The following ASTN2 variants were observed in gnomAD, a reference collection of about 807,000 sequenced individuals.
The protein encoded by ASTN2 is astrotactin-2.
In ASTN2, 54 loss-of-function variants were observed where a neutral mutation model predicts 139.8. The ratio of observed to expected loss-of-function variants is 0.39; its 90% CI spans 0.31 to 0.48. The LOEUF (loss-of-function observed/expected upper bound fraction) is 0.48, where lower values mean the gene tolerates loss of function less well. ASTN2 is among the 20% of genes least tolerant of loss of function. The pLI is 0.95. For synonymous variants in ASTN2, 756 were observed against 719.5 expected, an observed-to-expected ratio of 1.05 and a Z score of -0.81; for missense variants, 1,565 against 1,725.1, an observed-to-expected ratio of 0.91 and a Z score of 1.64.
intron 11 of ASTN2, among the ~76,000 whole-genome samples, chr9:116,839,498 GAGAC>G (rs1357750540): frequency 9.3e-5 from 14 of 150,460 alleles, no homozygotes; most frequent in African/African-American, 1.5e-4. Context: ...TACTCCTTTT[GAGAC>G]AGAGTCTCGC....
At position 116,729,208 on chromosome 9, in the gene ASTN2, C is replaced by T. The variant is rs904877539; in HGVS notation, c.2522-112G>A. The T allele has an allele frequency of 6.4e-6, 5 of 779,962 alleles. No homozygotes were observed. The African/African-American group carries it at 8.6e-5, about 13-fold the overall frequency. 48.3% of individuals were successfully genotyped at this position (779,962 alleles called of 1,614,324 possible). A position where few individuals can be genotyped will look rare whatever the true frequency, so the allele number is the denominator to read the frequency against. ...AAACAGACACCTCTTTGAAGTACAA[C>T]TTTCACTGGGATTGACAATTTTATG... is the stretch of plus-strand genomic sequence containing the variant. On this transcript the variant is annotated intron_variant, in intron 14 of 22. Transcript: ENST00000313400.
intron 7 of ASTN2, among the ~76,000 whole-genome samples, chr9:117,007,295 A>G (rs1837383479): frequency 6.6e-6 from 1 of 152,094 alleles, no homozygotes; most frequent in East Asian, 1.9e-4. Context: ...ATCACCTAAC[A>G]GAGTCATATA....
At chr9:116,656,066 T>G (rs1858195101) in intron 16 of ASTN2, among the ~76,000 whole-genome samples, 1 of 152,098 alleles carries the variant, frequency 6.6e-6, no homozygotes, top group Non-Finnish European at 1.5e-5. Flanking sequence ...TAGCATCCTA[T>G]TCTCTGTATC....
At chr9:116,812,892 G>GA (rs530156748) in intron 12 of ASTN2, among the ~76,000 whole-genome samples, 1 of 151,964 alleles carries the variant, frequency 6.6e-6, no homozygotes, top group East Asian at 1.9e-4. Flanking sequence ...GATTCAGGGG[G>GA]AAAAAAATTC....
At chr9:116,466,043 G>C (rs896910220) in intron 20 of ASTN2, among the ~76,000 whole-genome samples, 1 of 152,108 alleles carries the variant, frequency 6.6e-6, no homozygotes, top group Non-Finnish European at 1.5e-5. Context: ...TTTGCAAAGC[G>C]TATTGCACAA....
intron 13 of ASTN2, among the ~76,000 whole-genome samples, chr9:116,781,247 G>T (rs1337101046): frequency 3.3e-5 from 5 of 152,182 alleles, no homozygotes; most frequent in Non-Finnish European, 5.9e-5. Context: ...CCATGGAACA[G>T]GCCTTGTCTT....
At chr9:116,970,675 A>G (rs559160788) in intron 10 of ASTN2, among the ~76,000 whole-genome samples, 2 of 152,342 alleles carry the variant, frequency 1.3e-5, no homozygotes, top group Non-Finnish European at 2.9e-5. Context: ...ACAAGGAGAC[A>G]TTCCTAATTC....
intron 3 of ASTN2, among the ~76,000 whole-genome samples, chr9:117,158,163 G>C (rs994995635): frequency 1.1e-4 from 16 of 152,048 alleles, no homozygotes; most frequent in Admixed American, 1.0e-3. Context: ...TATACGTGTA[G>C]TCAGGGTACT....
intron 16 of ASTN2, among the ~76,000 whole-genome samples, chr9:116,654,462 A>T (rs959886106): frequency 7.2e-5 from 11 of 152,196 alleles, no homozygotes; most frequent in African/African-American, 2.2e-4. Flanking sequence ...GTAATGTAAA[A>T]ATTGTGGAAT....
At chr9:117,128,916 C>T (rs1829765377) in intron 4 of ASTN2, among the ~76,000 whole-genome samples, 2 of 152,190 alleles carry the variant, frequency 1.3e-5, no homozygotes, top group African/African-American at 4.8e-5. Context: ...ACTATCAGAT[C>T]TCATGAGACT....
intron 19 of ASTN2, among the ~76,000 whole-genome samples, chr9:116,498,912 C>T (rs1203153981): frequency 6.6e-6 from 1 of 152,092 alleles, no homozygotes; most frequent in African/African-American, 2.4e-5. Context: ...ACTTCACACA[C>T]GAAGAAAAAA....
chr9:117,040,019 G>T (rs1564396923), intron 5 of ASTN2, 54 bp from the exon 6 acceptor site: 4 of 1,512,616 alleles, frequency 2.6e-6, no homozygotes, highest in Admixed American at 2.0e-5. Context: ...GAGGAAATGG[G>T]ATTGGCATCA....
chr9:117,338,342 T>C (rs1009233980), intron 1 of ASTN2, among the ~76,000 whole-genome samples: 2 of 152,150 alleles, frequency 1.3e-5, no homozygotes, highest in African/African-American at 4.8e-5. Flanking sequence ...AGCCTCTATT[T>C]CTTCCTAGAC....
intron 3 of ASTN2, among the ~76,000 whole-genome samples, chr9:117,209,121 T>C (rs1402429719): frequency 6.6e-6 from 1 of 151,762 alleles, no homozygotes; most frequent in East Asian, 1.9e-4. Context: ...ACTGCAAAAA[T>C]AATAAGAGAG....
At chr9:117,189,243 C>T (rs1831286056) in intron 3 of ASTN2, among the ~76,000 whole-genome samples, 1 of 152,130 alleles carries the variant, frequency 6.6e-6, no homozygotes, top group Non-Finnish European at 1.5e-5. Context: ...TTAGTCCCTT[C>T]CAGTCAGGGA....
chr9:117,060,481 G>GAATGAAAGAAAGAAAGAAAGAAAGA, intron 5 of ASTN2, among the ~76,000 whole-genome samples: 1 of 91,014 alleles, frequency 1.1e-5, no homozygotes, highest in Non-Finnish European at 2.2e-5. Context: ...AGGAAGGAAG[G>GAATGAAAGAAAGAAAGAAAGAAAGA]AAGGAATGAA....
chr9:116,699,928 A>G lies in ASTN2; in HGVS notation c.2806+25843T>C. ...TTAAAAGATGCACTGCCCAAATAGG[A>G]CACACGATGGTGTTAGCTGAAGTTT... On this transcript the variant is annotated intron_variant, in intron 16 of 22. Coordinates refer to ENST00000313400, the MANE Select transcript of ASTN2 (RefSeq NM_001365068.1). The surrounding 1 kb of genome is among the most constrained non-coding windows in gnomAD (Gnocchi z 4.2). 2 of 646,204 alleles carry G rather than the reference A, an allele frequency of 3.1e-6. No individual in the cohort carries two copies. The highest frequency in any genetic ancestry group is 5.4e-6 in the Non-Finnish European group (2 of 369,604). 40.0% of individuals were successfully genotyped at this position (646,204 alleles called of 1,614,324 possible).
chr9:116,839,442 C>T (rs925321597), intron 11 of ASTN2, among the ~76,000 whole-genome samples: 3 of 151,824 alleles, frequency 2.0e-5, no homozygotes, highest in South Asian at 4.2e-4. Flanking sequence ...CAACCAGCAC[C>T]GTGATCCAAT....
intron 5 of ASTN2, among the ~76,000 whole-genome samples, chr9:117,079,284 A>C (rs891202197): frequency 1.2e-4 from 19 of 152,062 alleles, no homozygotes; most frequent in African/African-American, 4.3e-4. Context: ...TGAGGCTGGG[A>C]GGTCAAGTCT....
Sources: gnomAD v4.1 joint callset for allele counts (sites outside exome capture counted in the v4.1 genomes callset) on GRCh38, gnomAD v4.1.1 for gene constraint, Gnocchi (gnomAD v3.1) non-coding constraint, MANE v1.5 for transcripts, NCBI Gene and HGNC (gene_info 2026-07-23, HGNC 2026-07-21) for gene names.